ROBO1: variants seen among roughly 807,000 people sequenced by gnomAD.
The protein encoded by ROBO1 is roundabout homolog 1.
ROBO1 carries 149 observed loss-of-function variants against 195.9 expected under a neutral mutation model. The observed-to-expected ratio is 0.76, with a 90% CI of 0.67 to 0.87. The LOEUF is 0.87. Ranked by LOEUF, ROBO1 falls within the 40% of genes least tolerant of loss-of-function variation. The pLI, the probability that ROBO1 is intolerant of heterozygous loss-of-function variation, is 0.00. For missense variants in ROBO1, 1,933 were observed against 2,068.3 expected, an observed-to-expected ratio of 0.93 and a Z score of 1.27; for synonymous variants, 816 against 733.2, an observed-to-expected ratio of 1.11 and a Z score of -1.82.
chr3:79,390,188 A>G (rs935437149), intron 2 of ROBO1, among the ~76,000 whole-genome samples: 2 of 152,130 alleles, frequency 1.3e-5, no homozygotes, highest in African/African-American at 4.8e-5. Flanking sequence ...CAGACTGAGA[A>G]GGAGCAGTGG....
intron 8 of ROBO1, among the ~76,000 whole-genome samples, chr3:78,707,235 T>C (rs1375548032): frequency 2.0e-5 from 3 of 152,086 alleles, no homozygotes; most frequent in Non-Finnish European, 4.4e-5. Flanking sequence ...CTAGGAAGCA[T>C]CCCATTAGTA....
intron 4 of ROBO1, among the ~76,000 whole-genome samples, chr3:78,831,694 T>A (rs1040831431): frequency 6.6e-6 from 1 of 152,230 alleles, no homozygotes; most frequent in African/African-American, 2.4e-5. Flanking sequence ...TACCCAAGAC[T>A]GTGTAATTTA....
At chr3:79,074,013 T>G (rs1318012637) in intron 3 of ROBO1, among the ~76,000 whole-genome samples, 1 of 151,756 alleles carries the variant, frequency 6.6e-6, no homozygotes, top group Non-Finnish European at 1.5e-5. Flanking sequence ...GCTTCCACAG[T>G]AATTCATAGA....
At chr3:79,681,135 G>T (rs1362974193) in intron 1 of ROBO1, among the ~76,000 whole-genome samples, 1 of 151,988 alleles carries the variant, frequency 6.6e-6, no homozygotes, top group East Asian at 1.9e-4. Context: ...GTTTAGAAGA[G>T]ACTAACATTA....
rs1011381851 is a variant in ROBO1, at chr3:79,102,396, G to A, written c.172+23060C>T. 4.0e-5 allele frequency among the ~76,000 whole-genome samples: 6 copies of A among 151,792 alleles called. 1 individual carries two copies. Among genetic ancestry groups the A allele is most frequent in the Admixed American group, 4.0e-4 (6 of 15,180 alleles). ...AAACCATCAGCAAGAAGTTCTGAGAGTCCAAGGTTTTCAATCATAAGAGAG... is the reference window on the plus strand; with the variant it reads ...AAACCATCAGCAAGAAGTTCTGAGAATCCAAGGTTTTCAATCATAAGAGAG... On this transcript the variant is annotated intron_variant, in intron 3 of 30. Coordinates refer to ENST00000464233, the MANE Select transcript of ROBO1 (RefSeq NM_002941.4).
intron 28 of ROBO1, among the ~76,000 whole-genome samples, chr3:78,609,900 T>G (rs1444586983): frequency 6.6e-6 from 1 of 152,238 alleles, no homozygotes; most frequent in Non-Finnish European, 1.5e-5. Context: ...TACAATTTTT[T>G]GAAACTTATT....
chr3:79,186,956 T>G (rs2081450965), intron 2 of ROBO1, among the ~76,000 whole-genome samples: 1 of 152,156 alleles, frequency 6.6e-6, no homozygotes. Context: ...AAATGCATTA[T>G]GACCCATGTT....
chr3:79,037,584 G>A (rs561004655), intron 3 of ROBO1, among the ~76,000 whole-genome samples: 2 of 152,174 alleles, frequency 1.3e-5, no homozygotes, highest in African/African-American at 4.8e-5. Context: ...GGGATTTTAT[G>A]TTTACCATGA....
chr3:78,838,504 GGCCTCAGGC>G (rs1393703402), intron 4 of ROBO1, among the ~76,000 whole-genome samples: 1 of 152,126 alleles, frequency 6.6e-6, no homozygotes, highest in Admixed American at 6.5e-5. Flanking sequence ...ATCTGGTGAC[GGCCTCAGGC>G]TGCTCCCACT....
chr3:79,542,048 A>G (rs1334123324), intron 2 of ROBO1, among the ~76,000 whole-genome samples: 1 of 151,856 alleles, frequency 6.6e-6, no homozygotes, highest in East Asian at 1.9e-4. Flanking sequence ...TAGGTCATCA[A>G]CTCTGATTTT....
intron 2 of ROBO1, among the ~76,000 whole-genome samples, chr3:79,244,097 A>G (rs1247063173): frequency 6.6e-6 from 1 of 152,124 alleles, no homozygotes; most frequent in Non-Finnish European, 1.5e-5. Context: ...CCTACGAAGC[A>G]GGTAGTATTC....
intron 3 of ROBO1, among the ~76,000 whole-genome samples, chr3:78,963,494 GTT>G (rs750158094): frequency 0.086 from 6,236 of 72,406 alleles, 73 homozygotes; most frequent in Middle Eastern, 0.14. Flanking sequence ...AAAACCTTCA[GTT>G]TTTTTTTTTT....
chr3:78,952,523 T>G (rs2107782650), intron 3 of ROBO1, among the ~76,000 whole-genome samples: 1 of 152,030 alleles, frequency 6.6e-6, no homozygotes, highest in African/African-American at 2.4e-5. Context: ...AATCCTGTAA[T>G]TTTCCTGTCA....
chr3:78,612,284 A>C (rs1374525334), intron 28 of ROBO1, among the ~76,000 whole-genome samples: 4 of 152,318 alleles, frequency 2.6e-5, no homozygotes, highest in South Asian at 2.1e-4. Context: ...AAGAAAAAAA[A>C]CCCCACAAAA....
chr3:79,416,764 G>A (rs2038022354), intron 2 of ROBO1, among the ~76,000 whole-genome samples: 2 of 152,112 alleles, frequency 1.3e-5, no homozygotes, highest in African/African-American at 4.8e-5. Context: ...GTTACTTCTT[G>A]AGGCGAGGCA....
intron 23 of ROBO1, among the ~76,000 whole-genome samples, chr3:78,634,275 A>G (rs1319215640): frequency 6.6e-6 from 1 of 151,872 alleles, no homozygotes. Flanking sequence ...GATTTTAATA[A>G]GAATCACAAA....
At chr3:78,848,074 G>T (rs1264416593) in intron 4 of ROBO1, among the ~76,000 whole-genome samples, 1 of 151,810 alleles carries the variant, frequency 6.6e-6, no homozygotes, top group Non-Finnish European at 1.5e-5. Context: ...TTACTTTTTT[G>T]AAAACAAACT....
At chr3:79,283,247 C>T (rs2031644933) in intron 2 of ROBO1, among the ~76,000 whole-genome samples, 1 of 152,176 alleles carries the variant, frequency 6.6e-6, no homozygotes, top group South Asian at 2.1e-4. Context: ...AGGGCATAGG[C>T]TGAAAAACTA....
chr3:78,647,279 G>A (rs1361426899), intron 20 of ROBO1, among the ~76,000 whole-genome samples: 1 of 151,998 alleles, frequency 6.6e-6, no homozygotes, highest in Non-Finnish European at 1.5e-5. Flanking sequence ...TGGAAAACTT[G>A]AAAGCTTAAG....
Sources: gnomAD v4.1 joint callset for allele counts (sites outside exome capture counted in the v4.1 genomes callset) on GRCh38, gnomAD v4.1.1 for gene constraint, MANE v1.5 for transcripts, NCBI Gene and HGNC (gene_info 2026-07-23, HGNC 2026-07-21) for gene names.